EGFLAM: variants seen among roughly 807,000 people sequenced by gnomAD.
The protein encoded by EGFLAM is EGF like, fibronectin type III and laminin G domains.
Under a neutral mutation model 113.1 loss-of-function variants are expected in EGFLAM, and 79 were observed. The observed-to-expected ratio is 0.70, with a 90% CI of 0.58 to 0.84. The LOEUF (loss-of-function observed/expected upper bound fraction) is 0.84, where lower values mean the gene tolerates loss of function less well. EGFLAM is among the 40% of genes least tolerant of loss of function. The pLI is 0.00. For missense variants in EGFLAM, 1,265 were observed against 1,291.6 expected (o/e 0.98, Z 0.32); for synonymous variants, 504 against 487.6 (o/e 1.03, Z -0.44).
chr5:38,284,863 T>C (rs1229668603), intron 1 of EGFLAM, among the ~76,000 whole-genome samples: 1 of 152,200 alleles, frequency 6.6e-6, no homozygotes, highest in Non-Finnish European at 1.5e-5. Context: ...TTGATGTAGA[T>C]AATAGGCAAT....
chr5:38,313,405 A>C (rs527331764), intron 1 of EGFLAM, among the ~76,000 whole-genome samples: 1 of 152,350 alleles, frequency 6.6e-6, no homozygotes, highest in Admixed American at 6.5e-5. Flanking sequence ...ATTTGCTTTA[A>C]CATCTTACCT....
intron 6 of EGFLAM, among the ~76,000 whole-genome samples, chr5:38,380,552 G>A (rs766283959): frequency 2.0e-5 from 3 of 152,266 alleles, no homozygotes; most frequent in Admixed American, 6.5e-5. Context: ...TCTTTAGAAC[G>A]TGAGATGAAA....
At chr5:38,375,060 G>GTTTTTTTTTTTTTTTTTTTTTTTTTT (rs74821426) in intron 6 of EGFLAM, among the ~76,000 whole-genome samples, 1 of 107,738 alleles carries the variant, frequency 9.3e-6, no homozygotes, top group African/African-American at 3.6e-5. Flanking sequence ...CTCTGTTGTT[G>GTTTTTTTTTTTTTTTTTTTTTTTTTT]TTTTTTTTTT....
intron 3 of EGFLAM, among the ~76,000 whole-genome samples, chr5:38,345,055 A>T (rs10063620): frequency 0.079 from 12,072 of 152,208 alleles, 730 homozygotes; most frequent in African/African-American, 0.17. Flanking sequence ...GCAGTTGAAC[A>T]TCTGAAAAAC....
At chr5:38,363,272 G>C (rs890881277) in intron 5 of EGFLAM, among the ~76,000 whole-genome samples, 2 of 152,156 alleles carry the variant, frequency 1.3e-5, no homozygotes, top group African/African-American at 4.8e-5. Context: ...TGTTTGCCCT[G>C]GGTAATGTAT....
At chr5:38,326,781 C>T (rs985063831) in intron 1 of EGFLAM, among the ~76,000 whole-genome samples, 1 of 151,186 alleles carries the variant, frequency 6.6e-6, no homozygotes, top group Admixed American at 6.6e-5. Flanking sequence ...CGTGAGCCAC[C>T]GCGCCTGGCC....
intron 5 of EGFLAM, among the ~76,000 whole-genome samples, chr5:38,367,419 TTTTATTAAACATAGTG>T (rs972498858): frequency 3.3e-5 from 5 of 151,676 alleles, no homozygotes; most frequent in Non-Finnish European, 5.9e-5. Flanking sequence ...CTAATTTTTT[TTTTATTAAACATAGTG>T]AGACGAGGTC....
intron 1 of EGFLAM, among the ~76,000 whole-genome samples, chr5:38,271,367 G>C (rs1447479409): frequency 6.6e-6 from 1 of 152,166 alleles, no homozygotes; most frequent in African/African-American, 2.4e-5. Flanking sequence ...TACCAGAATA[G>C]TCTTCCCAAA....
intron 15 of EGFLAM, among the ~76,000 whole-genome samples, chr5:38,432,885 C>A (rs991443598): frequency 1.3e-5 from 2 of 152,186 alleles, no homozygotes; most frequent in African/African-American, 4.8e-5. Flanking sequence ...GAGCATGAAA[C>A]CAATACGGTG....
intron 1 of EGFLAM, among the ~76,000 whole-genome samples, chr5:38,324,382 C>T (rs1167001476): frequency 6.6e-6 from 1 of 152,314 alleles, no homozygotes. Flanking sequence ...TCCTGCCCCC[C>T]TCCACACATA....
chr5:38,383,543 T>C (rs1740572699), intron 6 of EGFLAM, among the ~76,000 whole-genome samples: 1 of 152,080 alleles, frequency 6.6e-6, no homozygotes, highest in Non-Finnish European at 1.5e-5. Context: ...GTTTCCAAAA[T>C]GTGTATTTGA....
chr5:38,318,254 T>C (rs1738651488), intron 1 of EGFLAM, among the ~76,000 whole-genome samples: 1 of 151,568 alleles, frequency 6.6e-6, no homozygotes. Flanking sequence ...ATGGTGATAG[T>C]ATAGTATACT....
At chr5:38,412,378 A>G in intron 10 of EGFLAM, 126 bp from the exon 11 acceptor site, 3 of 1,418,518 alleles carry the variant, frequency 2.1e-6, no homozygotes, top group Non-Finnish European at 1.9e-6. Context: ...CTTGATATTC[A>G]TAAACATGAC....
chr5:38,269,590 C>T (rs1277053902), intron 1 of EGFLAM, among the ~76,000 whole-genome samples: 2 of 151,488 alleles, frequency 1.3e-5, no homozygotes, highest in Non-Finnish European at 2.9e-5. Context: ...CGCAGGTTCA[C>T]GCCATTCTCC....
intron 19 of EGFLAM, among the ~76,000 whole-genome samples, chr5:38,454,993 G>A (rs929063167): frequency 6.6e-6 from 1 of 152,086 alleles, no homozygotes; most frequent in African/African-American, 2.4e-5. Flanking sequence ...TTTTTGTTTT[G>A]TTTCATTTTG....
chr5:38,396,944 A>G (rs769011314), intron 6 of EGFLAM, among the ~76,000 whole-genome samples: 28 of 152,132 alleles, frequency 1.8e-4, no homozygotes, highest in South Asian at 4.1e-4. Flanking sequence ...ACTCCGAGAG[A>G]GAAAGACACA....
Position 38,406,947 on chromosome 5 carries a change from C to G in EGFLAM, c.948C>G (p.Leu316=). The change falls in exon 8 of 22, where the codon CTC becomes CTG. Residue 316 remains leucine, a synonymous_variant. Transcript: ENST00000322350. ...TCATCCCCCCTACCTCAGCATCTCT[C>G]CCTGTGACCACGGTGGCTCCCCAGC... The part of the protein sequence containing the change: ...SRLIPPTSAS[L]PVTTVAPQPI... 1 of 1,614,198 alleles carries G rather than the reference C, an allele frequency of 6.2e-7. No homozygotes were observed. The highest frequency in any genetic ancestry group is 8.5e-7 in the Non-Finnish European group (1 of 1,180,036).
intron 5 of EGFLAM, among the ~76,000 whole-genome samples, chr5:38,354,436 T>C (rs1739709366): frequency 6.6e-6 from 1 of 152,082 alleles, no homozygotes; most frequent in South Asian, 2.1e-4. Context: ...TTTTGAAAAA[T>C]GCACACTTCT....
At chr5:38,404,956 A>G (rs1330469267) in intron 6 of EGFLAM, among the ~76,000 whole-genome samples, 8 of 152,150 alleles carry the variant, frequency 5.3e-5, no homozygotes, top group African/African-American at 1.9e-4. Flanking sequence ...AAAAATGCCA[A>G]CTGAATGTTC....
Sources: allele counts gnomAD v4.1 joint callset (sites outside exome capture counted in the v4.1 genomes callset), GRCh38; gene constraint gnomAD v4.1.1; transcripts MANE v1.5; gene names NCBI Gene and HGNC (gene_info 2026-07-23, HGNC 2026-07-21).